GAS2L2: variants seen among roughly 807,000 people sequenced by gnomAD.
The protein encoded by GAS2L2 is GAS2-like protein 2.
Under a neutral mutation model 35.2 loss-of-function variants are expected in GAS2L2, and 21 were observed. The ratio of observed to expected loss-of-function variants is 0.60; its 90% CI spans 0.42 to 0.86. The LOEUF is 0.86. Ranked by LOEUF, GAS2L2 falls within the 40% of genes least tolerant of loss-of-function variation. The pLI is 0.00. For missense variants in GAS2L2, 1,169 were observed against 1,144.4 expected (o/e 1.02, Z -0.31); for synonymous variants, 490 against 473.2 (o/e 1.04, Z -0.46).
intron 3 of GAS2L2, among the ~76,000 whole-genome samples, chr17:35,748,505 C>A (rs1287036232): frequency 1.3e-5 from 2 of 152,240 alleles, no homozygotes; most frequent in African/African-American, 4.8e-5. Context: ...TGGGCCATGC[C>A]CCGAGCTGCT....
In GAS2L2 at chr17:35,748,042, A is replaced by G. The variant is rs1193931082; in HGVS notation, c.736-97T>C. On this transcript the variant is annotated intron_variant, in intron 3 of 5. Transcript: ENST00000604641. ...CCGGCACTCACTCAGGGATGCTCTC[A>G]TCCATGTACCCATCCACACGTAGAT... The G allele has an allele frequency of 1.5e-5, 12 of 812,324 alleles. No homozygotes were observed. In the East Asian group the frequency reaches 2.6e-4, roughly 18 times the overall value. 50.3% of individuals were successfully genotyped at this position (812,324 alleles called of 1,614,324 possible).
Position 35,746,365 on chromosome 17 carries a change from C to T in GAS2L2, c.1132G>A (p.Gly378Arg), listed in dbSNP as rs781975317. 2 of 1,354,370 alleles carry T rather than the reference C, an allele frequency of 1.5e-6. No individual in the cohort carries two copies. Among genetic ancestry groups the T allele is most frequent in the East Asian group, 2.6e-5 (1 of 38,748 alleles). The allele number at this position is 1,354,370 out of a possible 1,614,324, so 83.9% of individuals were successfully genotyped here. ...GACTGGGGGCTGGGTGGGCTGTCCC[C>T]AGCTGTCGGCTGCCTCCAAGATGGG... ...LIPSWRQPTA[G>R]DSPPSPQSSS... Residue 378 changes from glycine to arginine, a missense_variant, in exon 6 of 6, where the codon GGG becomes AGG. Coordinates refer to ENST00000604641, the MANE Select transcript of GAS2L2 (RefSeq NM_139285.4).
At chr17:35,748,033 G>T in intron 3 of GAS2L2, 88 bp from the exon 4 acceptor site, 2 of 928,308 alleles carry the variant, frequency 2.2e-6, no homozygotes, top group Non-Finnish European at 3.4e-6. Flanking sequence ...CTCACTCAGG[G>T]ATGCTCTCAT....
In GAS2L2 at chr17:35,745,446, G is replaced by A. The variant is rs267604814; in HGVS notation, c.2051C>T (p.Ala684Val). 6.3e-7 allele frequency: 1 copy of A among 1,580,098 alleles called. No homozygotes were observed. Among genetic ancestry groups the A allele is most frequent in the Non-Finnish European group, 8.6e-7 (1 of 1,161,996 alleles). Residue 684 changes from alanine (A) to valine (V), a missense_variant, in exon 6 of 6, where the codon GCT (alanine) becomes GTT (valine). By Grantham distance (64) the Ala-to-Val change is moderately conservative. Around this residue, in one of 3 missense-constraint regions of GAS2L2, gnomAD observed 1,035 missense variants for 976.5 expected, o/e 1.06. Transcript: ENST00000604641. The part of the protein sequence containing the change: ...KAAPTGSPKP[A>V]VTPGPGSLKG... ...GAGGCTTCCCGGTCCTGGGGTAACA[G>A]CTGGCTTAGGGGAGCCAGTCGGGGC...
rs144024552 is a variant in GAS2L2 at position 35,745,965 on chromosome 17, C to T, written c.1532G>A (p.Arg511His). The change falls in exon 6 of 6, where the codon CGC becomes CAC. Residue 511 changes from arginine to histidine, a missense_variant. Physicochemically the swap from Arg to His is conservative, Grantham distance 29. Transcript: ENST00000604641. ...AAAGCTCCTTCCTGGTGTTGGGGGG[C>T]GAGCAGGGGGCAGCCGGATGGGGAT... ...TKIPIRLPPA[R>H]PPTPGRSFPG... is the part of the protein sequence containing the mutation. The T allele has an allele frequency of 3.8e-5, 61 of 1,603,134 alleles. 1 individual carries two copies. The highest frequency in any genetic ancestry group is 2.7e-4 in the East Asian group (12 of 44,668).
At position 35,745,901 on chromosome 17, in the gene GAS2L2, C is replaced by T. The variant is rs1464240095; in HGVS notation, c.1596G>A (p.Gly532=). The change falls in exon 6 of 6, where the codon GGG becomes GGA. Residue 532 remains glycine (G), a synonymous_variant. Transcript: ENST00000604641. ...ATSGSPRTEL[G]RDPIPLRAVT... Reference sequence around the variant, plus strand: ...CGGCCCTTAGTGGGATGGGGTCTCTCCCAAGTTCTGTCCTGGGACTTCCAC... The same window carrying T: ...CGGCCCTTAGTGGGATGGGGTCTCTTCCAAGTTCTGTCCTGGGACTTCCAC... The T allele has an allele frequency of 1.1e-5, 18 of 1,613,166 alleles. No individual in the cohort carries two copies. Among genetic ancestry groups the T allele is most frequent in the Non-Finnish European group, 1.4e-5 (16 of 1,180,012 alleles).
intron 3 of GAS2L2, among the ~76,000 whole-genome samples, chr17:35,748,429 A>G (rs2085682890): frequency 6.6e-6 from 1 of 152,200 alleles, no homozygotes; most frequent in African/African-American, 2.4e-5. Context: ...CTACTGCCTC[A>G]GGTCTAGGGG....
rs1471564676 is a variant in GAS2L2 at position 35,745,346 on chromosome 17, C to G, written c.2151G>C (p.Arg717Ser). The G allele has an allele frequency of 3.7e-6, 6 of 1,605,958 alleles. No homozygotes were observed. Among genetic ancestry groups the G allele is most frequent in the African/African-American group, 1.3e-5 (1 of 74,700 alleles). ...CCTGCCCTCCCTGAGGTGGGACCTT[C>G]CTCATGTGGGTGCCCTTGGCACTCA... Reference protein sequence around the residue: ...ASLSAKGTHMRKVPPQGGQDC... With the variant: ...ASLSAKGTHMSKVPPQGGQDC... Residue 717 changes from arginine (R) to serine (S), a missense_variant, in exon 6 of 6, where the codon AGG (arginine) becomes AGC (serine). By Grantham distance (110) the Arg-to-Ser change is moderately radical. This residue lies in a region of GAS2L2 where 1,035 missense variants were observed against 976.5 expected (regional missense o/e 1.06). Transcript: ENST00000604641.
rs587635211 is a variant in GAS2L2, at chr17:35,752,731, C to G, written c.120G>C (p.Glu40Asp). ...YLEAMKEDLA[E>D]WLRDLYGLDI... ...CCAGCCCATAGAGGTCGCGAAGCCA[C>G]TCAGCCAGGTCTTCCTTCATGGCCT... Residue 40 changes from glutamate (E) to aspartate (D), a missense_variant, in exon 1 of 6, where the codon GAG becomes GAC. This residue lies in a region of GAS2L2 where 127 missense variants were observed against 146.1 expected (regional missense o/e 0.87). Transcript: ENST00000604641. The G allele has an allele frequency of 1.4e-5, 23 of 1,614,020 alleles. No homozygotes were observed. The South Asian group carries it at 2.5e-4, about 18-fold the overall frequency.
chr17:35,749,243 C>A, intron 2 of GAS2L2, 26 bp from the exon 3 acceptor site: 1 of 1,528,448 alleles, frequency 6.5e-7, no homozygotes, highest in East Asian at 2.3e-5. Context: ...GAACTCAGCC[C>A]TCTCCTTTGC....
chr17:35,745,799 G>A lies in GAS2L2; in HGVS notation c.1698C>T (p.Ile566=), dbSNP rs1555598837. The change falls in exon 6 of 6, where the codon ATC becomes ATT. Residue 566 remains isoleucine (I), a synonymous_variant. Transcript: ENST00000604641. ...ACTCTCTGGCCTCTGCCATGACCTG[G>A]ATGTCCAGCTGCTGGTCCTCCTGCC... ...EVRQEDQQLD[I]QVMAEARESW... 5 of 1,613,820 alleles carry A rather than the reference G, an allele frequency of 3.1e-6. No homozygotes were observed. Among genetic ancestry groups the A allele is most frequent in the Non-Finnish European group, 4.2e-6 (5 of 1,180,046 alleles).
intron 5 of GAS2L2, 117 bp downstream of exon 5, chr17:35,746,899 G>A (rs1282693043): frequency 1.4e-5 from 15 of 1,050,038 alleles, no homozygotes; most frequent in Non-Finnish European, 2.0e-5. Flanking sequence ...TCCAAAACCT[G>A]TGGTCTCGGG....
rs2085654598 is a variant in GAS2L2, at chr17:35,744,988, C to T, written c.2509G>A (p.Glu837Lys). The change falls in exon 6 of 6, where the codon GAG (glutamate) becomes AAG (lysine). Residue 837 changes from glutamate (E) to lysine (K), a missense_variant. Glu to Lys is a moderately conservative substitution (Grantham distance 56). Coordinates refer to ENST00000604641, the MANE Select transcript of GAS2L2 (RefSeq NM_139285.4). ...TCCTCCTTTCCTTCCTCCTCCTCCT[C>T]ACCTACTGAAGCTCCATCCACCCGG... is the stretch of plus-strand genomic sequence containing the variant. ...ASRVDGASVGEEEEEGKEEKE... is the reference protein window; with the variant it reads ...ASRVDGASVGKEEEEGKEEKE... The T allele has an allele frequency of 6.2e-7, 1 of 1,614,118 alleles. No homozygotes were observed. The highest frequency in any genetic ancestry group is 1.1e-5 in the South Asian group (1 of 91,086).
chr17:35,747,796 G>C, intron 4 of GAS2L2, 53 bp downstream of exon 4: 1 of 1,465,028 alleles, frequency 6.8e-7, no homozygotes, highest in Non-Finnish European at 9.6e-7. Flanking sequence ...TCCCAACCCA[G>C]AGCTAGGCCT....
Position 35,746,126 on chromosome 17 carries a change from G to A in GAS2L2, c.1371C>T (p.Pro457=), listed in dbSNP as rs781843411. 3 of 1,511,130 alleles carry A rather than the reference G, an allele frequency of 2.0e-6. No homozygotes were observed. The highest frequency in any genetic ancestry group is 2.7e-5 in the South Asian group (2 of 73,494). The allele number at this position is 1,511,130 out of a possible 1,614,324, so 93.6% of individuals were successfully genotyped here. The change falls in exon 6 of 6, where the codon CCC becomes CCT. Residue 457 remains proline, a synonymous_variant. Coordinates refer to ENST00000604641, the MANE Select transcript of GAS2L2 (RefSeq NM_139285.4). ...TKGISARGPS[P]LPRSFGPAEC... is the part of the protein sequence containing the mutation. The stretch of plus-strand genomic sequence containing the variant: ...CGGCTGGGCCAAAGGAACGAGGCAG[G>A]GGAGATGGTCCTCTTGCTGATATCC...
rs146187323 is a variant in GAS2L2, at chr17:35,745,717, C to T, written c.1780G>A (p.Gly594Arg). 371 of 1,613,888 alleles carry T rather than the reference C, an allele frequency of 2.3e-4. No homozygotes were observed. The Admixed American group carries it at 2.3e-3, about 10-fold the overall frequency. Residue 594 changes from glycine to arginine, a missense_variant, in exon 6 of 6, where the codon GGG becomes AGG. Gly to Arg is a moderately radical substitution (Grantham distance 125). Transcript: ENST00000604641. The part of the protein sequence containing the change: ...EGRYTPLPLG[G>R]NKEQAIYCSL... ...CAGTAGATGGCTTGCTCCTTGTTCCCGCCCAAGGGCAGAGGTGTGTACCGC... is the reference window on the plus strand; with the variant it reads ...CAGTAGATGGCTTGCTCCTTGTTCCTGCCCAAGGGCAGAGGTGTGTACCGC...
chr17:35,750,397 G>A (rs2085696965), intron 1 of GAS2L2, 79 bp from the exon 2 acceptor site: 3 of 1,585,748 alleles, frequency 1.9e-6, no homozygotes, highest in Admixed American at 3.5e-5. Flanking sequence ...AGGGGCTAGC[G>A]GGGAGGAAAG....
rs782677804 is a variant in GAS2L2, at chr17:35,749,109, C to G, written c.735+1G>C. Reference sequence around the variant, plus strand: ...TCCCTTGACCCCCAGCCTGGACTTACCCGGATGAAGATGAGGGTGTTGGAG... The same window carrying G: ...TCCCTTGACCCCCAGCCTGGACTTAGCCGGATGAAGATGAGGGTGTTGGAG... On this transcript the variant is annotated splice_donor_variant, in intron 3 of 5. Transcript: ENST00000604641. LOFTEE classifies it high-confidence loss of function. The G allele has an allele frequency of 6.2e-7, 1 of 1,608,700 alleles. No individual in the cohort carries two copies.
rs782510431 is a variant in GAS2L2, at chr17:35,746,054, C to T, written c.1443G>A (p.Ala481=). 1.7e-5 allele frequency: 26 copies of T among 1,539,002 alleles called. No individual in the cohort carries two copies. The highest frequency in any genetic ancestry group is 7.6e-5 in the South Asian group (6 of 79,130). ...RLPLRDEAKG[A]FFQFREPESV... ...ACTCTGGCTCCCTGAACTGGAAGAA[C>T]GCACCCTTGGCCTCATCCCGGAGTG... Residue 481 remains alanine (A), a synonymous_variant, in exon 6 of 6, where the codon GCG becomes GCA. Transcript: ENST00000604641.
Sources: allele counts gnomAD v4.1 joint callset (sites outside exome capture counted in the v4.1 genomes callset), GRCh38; gene constraint gnomAD v4.1.1; regional missense constraint gnomAD v4.1.1; transcripts MANE v1.5; gene names NCBI Gene and HGNC (gene_info 2026-07-23, HGNC 2026-07-21).